The following CMTM4 variants were observed in gnomAD, a reference collection of about 807,000 sequenced individuals.
CMTM4 encodes the protein CKLF like MARVEL transmembrane domain containing 4.
A neutral mutation model predicts 19.0 loss-of-function variants in CMTM4; 8 were observed. That is an observed-to-expected ratio of 0.42 (90% CI 0.25 to 0.76). CMTM4 has a LOEUF of 0.76. Ranked by LOEUF, CMTM4 falls within the 30% of genes least tolerant of loss-of-function variation. The pLI, the probability that CMTM4 is intolerant of heterozygous loss-of-function variation, is 0.27. For synonymous variants in CMTM4, 106 were observed against 121.1 expected (o/e 0.88, Z 0.82); for missense variants, 228 against 290.2 (o/e 0.79, Z 1.56).
chr16:66,642,195 T>C (rs192678863), intron 1 of CMTM4, among the ~76,000 whole-genome samples: 25 of 152,352 alleles, frequency 1.6e-4, no homozygotes, highest in Admixed American at 7.8e-4. Context: ...AAAGTGATAC[T>C]AGAAGCCAAC....
At chr16:66,660,960 C>G (rs868712868) in intron 1 of CMTM4, among the ~76,000 whole-genome samples, 8 of 152,136 alleles carry the variant, frequency 5.3e-5, no homozygotes, top group East Asian at 1.9e-4. Context: ...CTATCCCTCC[C>G]GAACAGACAC....
intron 1 of CMTM4, among the ~76,000 whole-genome samples, chr16:66,638,760 G>A (rs2016044954): frequency 6.6e-6 from 1 of 152,198 alleles, no homozygotes; most frequent in African/African-American, 2.4e-5. Context: ...TTGGGAGGCT[G>A]AGGCAGGAGA....
At chr16:66,662,670 C>T (rs1000008426) in intron 1 of CMTM4, among the ~76,000 whole-genome samples, 3 of 152,110 alleles carry the variant, frequency 2.0e-5, no homozygotes, top group Admixed American at 2.0e-4. Flanking sequence ...TCCCCTTCCC[C>T]TGTCCTCCCA....
chr16:66,623,179 C>G (rs759990021), intron 3 of CMTM4, among the ~76,000 whole-genome samples: 16 of 152,234 alleles, frequency 1.1e-4, no homozygotes, highest in Admixed American at 3.9e-4. Flanking sequence ...CTCAGTAGCT[C>G]TGGAGCGGAG....
Position 66,616,416 on chromosome 16 carries a change from C to CA in CMTM4, c.*5641dup, listed in dbSNP as rs1239191549. On this transcript the variant is annotated 3_prime_UTR_variant, in exon 4 of 4. Coordinates refer to ENST00000394106, the MANE Select transcript of CMTM4 (RefSeq NM_181521.3). ...TTCTCTTAGAGGGAACCACGTCAAA[C>CA]AAAATCAAGTTAGGAAAAGCACTGA... 3 of 152,164 alleles carry CA rather than the reference C, an allele frequency of 2.0e-5. No homozygotes were observed. The highest frequency in any genetic ancestry group is 4.4e-5 in the Non-Finnish European group (3 of 68,034). 9.4% of individuals were successfully genotyped at this position (152,164 alleles called of 1,614,324 possible). A position where few individuals can be genotyped will look rare whatever the true frequency, so the allele number is the denominator to read the frequency against.
intron 3 of CMTM4, among the ~76,000 whole-genome samples, chr16:66,623,082 CTG>C (rs2015669614): frequency 6.6e-6 from 1 of 152,150 alleles, no homozygotes; most frequent in Non-Finnish European, 1.5e-5. Flanking sequence ...ACATCAAGGA[CTG>C]TGTTGGAAAC....
At chr16:66,654,582 T>G (rs1023445266) in intron 1 of CMTM4, among the ~76,000 whole-genome samples, 3 of 152,080 alleles carry the variant, frequency 2.0e-5, no homozygotes, top group African/African-American at 7.2e-5. Flanking sequence ...CAAATGTGAG[T>G]GCAAAAATCC....
At chr16:66,635,870 CAG>C (rs2015982837) in intron 2 of CMTM4, among the ~76,000 whole-genome samples, 1 of 152,186 alleles carries the variant, frequency 6.6e-6, no homozygotes, top group Non-Finnish European at 1.5e-5. Flanking sequence ...GGTGGCCAAA[CAG>C]AGCTAAGAAC....
intron 1 of CMTM4, among the ~76,000 whole-genome samples, chr16:66,653,547 G>A (rs1357009473): frequency 6.6e-6 from 1 of 152,154 alleles, no homozygotes; most frequent in African/African-American, 2.4e-5. Context: ...GGTTATAATG[G>A]TGTCCCCAGC....
chr16:66,635,937 C>A (rs1212571401), intron 2 of CMTM4, among the ~76,000 whole-genome samples: 1 of 152,122 alleles, frequency 6.6e-6, no homozygotes, highest in East Asian at 1.9e-4. Flanking sequence ...GATCAAACCA[C>A]CAAACCCCCC....
chr16:66,683,135 A>ATATACATATATATATG (rs2016949354), intron 1 of CMTM4, among the ~76,000 whole-genome samples: 2 of 135,570 alleles, frequency 1.5e-5, no homozygotes, highest in African/African-American at 5.4e-5. Flanking sequence ...GTGTGTATAT[A>ATATACATATATATATG]TATATATATA....
the CMTM4 span, chr16:66,609,301 TG>T: frequency 2.8e-6 from 2 of 714,406 alleles, no homozygotes; most frequent in Non-Finnish European, 4.7e-6. The surrounding 1 kb of genome is among the most constrained non-coding windows in gnomAD (Gnocchi z 4.4). Flanking sequence ...CCTAGGCATG[TG>T]GGTGGGGCCA....
intron 1 of CMTM4, among the ~76,000 whole-genome samples, chr16:66,671,366 C>G (rs1353560331): frequency 6.6e-6 from 1 of 152,120 alleles, no homozygotes; most frequent in Non-Finnish European, 1.5e-5. Flanking sequence ...AGGCCGAAGG[C>G]CTCCTGAGAT....
At chr16:66,633,340 A>G (rs1435013953) in intron 2 of CMTM4, among the ~76,000 whole-genome samples, 1 of 151,782 alleles carries the variant, frequency 6.6e-6, no homozygotes, top group African/African-American at 2.4e-5. Flanking sequence ...ATCACACCCT[A>G]TTTTAACCAT....
At chr16:66,600,234 C>T in the CMTM4 span, among the ~76,000 whole-genome samples, 1 of 151,296 alleles carries the variant, frequency 6.6e-6, no homozygotes, top group Non-Finnish European at 1.5e-5. Context: ...CCTCAGCCTC[C>T]CAGGTTCAAG....
chr16:66,677,554 C>T (rs1329128513), intron 1 of CMTM4, among the ~76,000 whole-genome samples: 1 of 152,230 alleles, frequency 6.6e-6, no homozygotes, highest in Non-Finnish European at 1.5e-5. Context: ...TAACAACACT[C>T]ATCAAATGTT....
rs760596532 is a variant in CMTM4, at chr16:66,619,410, T to C, written c.*2648A>G. 7.1e-6 allele frequency: 7 copies of C among 985,320 alleles called. No homozygotes were observed. The highest frequency in any genetic ancestry group is 8.4e-6 in the Non-Finnish European group (7 of 829,956). 61.0% of individuals were successfully genotyped at this position (985,320 alleles called of 1,614,324 possible). On this transcript the variant is annotated 3_prime_UTR_variant, in exon 4 of 4. Coordinates refer to ENST00000394106, the MANE Select transcript of CMTM4 (RefSeq NM_181521.3). ...GTTTCTTCAAGTTTTGCTTTAAATG[T>C]GAAAACCAATATCGTCCCACCAGAA...
Position 66,621,815 on chromosome 16 carries a change from C to T in CMTM4, c.*243G>A. ...GCCTGTGCTTCAGGGCAGGTAAGAC[C>T]TCAAGTGGACCTGGGCAGTGACGCC... On this transcript the variant is annotated 3_prime_UTR_variant, in exon 4 of 4. Transcript: ENST00000394106. 3.0e-6 allele frequency: 4 copies of T among 1,349,160 alleles called. No individual in the cohort carries two copies. The highest frequency in any genetic ancestry group is 1.8e-5 in the South Asian group (1 of 54,522). The allele number at this position is 1,349,160 out of a possible 1,614,324, so 83.6% of individuals were successfully genotyped here.
At chr16:66,612,681 AC>A, downstream of CMTM4, 1 of 1,603,024 alleles carries the variant, frequency 6.2e-7, no homozygotes, top group Non-Finnish European at 8.5e-7. This position sits in a 1 kb window ranked among gnomAD's most constrained non-coding sequence, Gnocchi z 6.0. Context: ...ACAGGCCTCC[AC>A]CCCTGCGCCT....
Sources: gnomAD v4.1 joint callset for allele counts (sites outside exome capture counted in the v4.1 genomes callset) on GRCh38, gnomAD v4.1.1 for gene constraint, Gnocchi (gnomAD v3.1) non-coding constraint, MANE v1.5 for transcripts, NCBI Gene and HGNC (gene_info 2026-07-23, HGNC 2026-07-21) for gene names.